Variants in CNTROB observed in about 807,000 individuals in gnomAD.
The protein encoded by CNTROB is centrobin.
A neutral mutation model predicts 115.7 loss-of-function variants in CNTROB; 82 were observed. The observed-to-expected ratio is 0.71, with a 90% confidence interval of 0.59 to 0.85. The LOEUF (loss-of-function observed/expected upper bound fraction) is 0.85. Ranked by LOEUF, CNTROB falls within the 40% of genes least tolerant of loss-of-function variation. The probability of loss-of-function intolerance (pLI) is 0.00; values close to 1 mark genes in which losing one functional copy is unlikely to be tolerated. For missense variants in CNTROB, 1,014 were observed against 1,144.4 expected, an observed-to-expected ratio of 0.89 and a Z score of 1.64; for synonymous variants, 439 against 456.4, an observed-to-expected ratio of 0.96 and a Z score of 0.49.
At chr17:7,934,425 T>C (rs1248240383) in intron 2 of CNTROB, 40 bp from the exon 3 acceptor site, 1 of 1,596,456 alleles carries the variant, frequency 6.3e-7, no homozygotes, top group East Asian at 2.2e-5. Flanking sequence ...TTTTTGTCAT[T>C]ACCTGACTCT....
intron 9 of CNTROB, among the ~76,000 whole-genome samples, chr17:7,941,856 G>A (rs1193785534): frequency 2.6e-5 from 4 of 151,112 alleles, no homozygotes; most frequent in Admixed American, 2.6e-4. Context: ...CCAGCTACTC[G>A]GGAGGCTGAG....
At position 7,939,343 on chromosome 17, in the gene CNTROB, C is replaced by CT. The variant is rs1450627469; in HGVS notation, c.928-168dup. Among the ~76,000 whole-genome samples, 1 of 152,216 alleles carries CT rather than the reference C, an allele frequency of 6.6e-6. No individual in the cohort carries two copies. The highest frequency in any genetic ancestry group is 2.4e-5 in the African/African-American group (1 of 41,448). On this transcript the variant is annotated intron_variant, in intron 7 of 18. Transcript: ENST00000563694. This position sits in a 1 kb window ranked among gnomAD's most constrained non-coding sequence, Gnocchi z 4.4. ...TCCTGACCTCAGGTAATCTGCCTGC[C>CT]TTGGCCTCCCAAAATGCTGGGATTA...
intron 9 of CNTROB, among the ~76,000 whole-genome samples, chr17:7,940,576 C>G (rs1973738482): frequency 1.3e-5 from 2 of 152,108 alleles, no homozygotes; most frequent in African/African-American, 4.8e-5. Flanking sequence ...AGACTTGATT[C>G]CAATTGTAAC....
Position 7,937,196 on chromosome 17 carries a change from G to T in CNTROB, c.861G>T (p.Glu287Asp), listed in dbSNP as rs763090825. Reference sequence around the variant, plus strand: ...CCCGCCTGGAACAAAGCCTTTCTGAGGCCATGGAGGCCCTGAATCGTGAGC... The same window carrying T: ...CCCGCCTGGAACAAAGCCTTTCTGATGCCATGGAGGCCCTGAATCGTGAGC... Reference protein sequence around the residue: ...TVTRLEQSLSEAMEALNREQE... With the variant: ...TVTRLEQSLSDAMEALNREQE... The change falls in exon 7 of 19, where the codon GAG (glutamate) becomes GAT (aspartate). Residue 287 changes from glutamate to aspartate, a missense_variant. By Grantham distance (45) the Glu-to-Asp change is conservative (BLOSUM62 2). Transcript: ENST00000563694. 6.2e-7 allele frequency: 1 copy of T among 1,614,154 alleles called. No individual in the cohort carries two copies.
At position 7,936,736 on chromosome 17, in the gene CNTROB, T is replaced by C; in HGVS notation, c.747T>C (p.His249=). The C allele has an allele frequency of 6.4e-7, 1 of 1,551,798 alleles. No individual in the cohort carries two copies. Among genetic ancestry groups the C allele is most frequent in the South Asian group, 1.1e-5 (1 of 89,870 alleles). The part of the protein sequence containing the change: ...LARVVEGWNR[H]EAERTEVLRG... The stretch of plus-strand genomic sequence containing the variant: ...GTGTGGTGGAGGGCTGGAACCGGCA[T>C]GAGGCTGAGCGGACAGAGGTTCTCA... The change falls in exon 6 of 19, where the codon CAT becomes CAC. Residue 249 remains histidine, a synonymous_variant. Transcript: ENST00000563694.
rs567700474 is a variant in CNTROB, at chr17:7,948,643, A to G, written c.2513+24A>G. ...GGGTACAAGCCTGGGAGGAAGGAGG[A>G]AGGATTCTCCGGGTGGAAGCTGGAT... On this transcript the variant is annotated intron_variant, in intron 17 of 18. Coordinates refer to ENST00000563694, the MANE Select transcript of CNTROB (RefSeq NM_053051.5). This position sits in a 1 kb window ranked among gnomAD's most constrained non-coding sequence, Gnocchi z 4.4. The G allele has an allele frequency of 3.7e-6, 6 of 1,614,084 alleles. No homozygotes were observed. The African/African-American group carries it at 6.7e-5, about 18-fold the overall frequency.
intron 13 of CNTROB, among the ~76,000 whole-genome samples, chr17:7,946,882 A>AT (rs1567936141): frequency 1.3e-5 from 2 of 151,702 alleles, no homozygotes; most frequent in African/African-American, 4.8e-5. Context: ...AAAAAAAAAA[A>AT]AGAGATTACA....
chr17:7,938,969 T>C (rs1191434430), intron 7 of CNTROB, among the ~76,000 whole-genome samples: 1 of 151,984 alleles, frequency 6.6e-6, no homozygotes, highest in Admixed American at 6.6e-5. Flanking sequence ...AGTAGAGACA[T>C]GGTTTCACCA....
At position 7,948,201 on chromosome 17, in the gene CNTROB, C is replaced by A; in HGVS notation, c.2254C>A (p.Arg752Ser). 1.2e-6 allele frequency: 2 copies of A among 1,614,204 alleles called. No individual in the cohort carries two copies. The change falls in exon 16 of 19, where the codon CGT becomes AGT. Residue 752 changes from arginine (R) to serine (S), a missense_variant. Coordinates refer to ENST00000563694, the MANE Select transcript of CNTROB (RefSeq NM_053051.5). This position sits in a 1 kb window ranked among gnomAD's most constrained non-coding sequence, Gnocchi z 4.4. ...TTGGGAGGAAGCCCCTCAAGTGCCACGTATTCCACCGCCTGTCCACAAAAC... is the reference window on the plus strand; with the variant it reads ...TTGGGAGGAAGCCCCTCAAGTGCCAAGTATTCCACCGCCTGTCCACAAAAC... ...PSWEEAPQVPRIPPPVHKTKV... is the reference protein window; with the variant it reads ...PSWEEAPQVPSIPPPVHKTKV...
intron 1 of CNTROB, 82 bp from the exon 2 acceptor site, chr17:7,934,056 C>T: frequency 8.6e-7 from 1 of 1,162,640 alleles, no homozygotes; most frequent in South Asian, 1.2e-5. Context: ...TTCCAAAGTG[C>T]TGGAGTGAAA....
Position 7,939,577 on chromosome 17 carries a change from A to G in CNTROB, c.992A>G (p.Gln331Arg), listed in dbSNP as rs754216809. 5.0e-6 allele frequency: 8 copies of G among 1,614,168 alleles called. No homozygotes were observed. Among genetic ancestry groups the G allele is most frequent in the Non-Finnish European group, 6.8e-6 (8 of 1,180,034 alleles). Residue 331 changes from glutamine (Q) to arginine (R), a missense_variant, in exon 8 of 19, where the codon CAG becomes CGG. Gln to Arg is a conservative substitution (Grantham distance 43). Coordinates refer to ENST00000563694, the MANE Select transcript of CNTROB (RefSeq NM_053051.5). The surrounding 1 kb of genome is among the most constrained non-coding windows in gnomAD (Gnocchi z 4.4). ...GAACAGCAGCGGTGCTGTGTCCTGC[A>G]GGAAGAGCGGGATGCAGCTCGGGCT... ...EAEQQRCCVLQEERDAARAGQ... is the reference protein window; with the variant it reads ...EAEQQRCCVLREERDAARAGQ...
chr17:7,933,938 TA>T (rs1311721375), intron 1 of CNTROB, among the ~76,000 whole-genome samples, 199 bp from the exon 2 acceptor site: 2 of 152,248 alleles, frequency 1.3e-5, no homozygotes, highest in East Asian at 3.8e-4. Context: ...TCTTGTCTTA[TA>T]CCTCCTCGAT....
chr17:7,934,666 G>T, intron 3 of CNTROB, 120 bp downstream of exon 3: 1 of 885,880 alleles, frequency 1.1e-6, no homozygotes, highest in Non-Finnish European at 1.8e-6. Flanking sequence ...CTTATCACTT[G>T]CCTTTCAGTT....
At chr17:7,935,745 G>A (rs4791983) in intron 4 of CNTROB, 1,864 of 162,766 alleles carry the variant, frequency 0.011, 104 homozygotes, top group Admixed American at 0.088. Context: ...GCTGCCTAAG[G>A]TCTAGAATAT....
chr17:7,942,787 A>ATTTTTTTTTTTTTT (rs71159534), intron 9 of CNTROB, among the ~76,000 whole-genome samples: 3 of 35,792 alleles, frequency 8.4e-5, no homozygotes, highest in African/African-American at 1.2e-4. Context: ...TACTCAGGGT[A>ATTTTTTTTTTTTTT]TTTTTTTTTT....
In CNTROB at chr17:7,934,141, G is replaced by A. The variant is rs1972860678; in HGVS notation, c.274G>A (p.Gly92Ser). The part of the protein sequence containing the change: ...GLEKNLKKKD[G>S]SKHIFEMESV... ...TTTCCATGTGGCTTTTTTCCAGGAT[G>A]GTTCTAAGCATATCTTTGAGATGGA... Residue 92 changes from glycine to serine, a missense_variant, in exon 2 of 19, where the codon GGT (glycine) becomes AGT (serine). Gly to Ser is a moderately conservative substitution (Grantham distance 56). Coordinates refer to ENST00000563694, the MANE Select transcript of CNTROB (RefSeq NM_053051.5). 6.2e-7 allele frequency: 1 copy of A among 1,613,788 alleles called. No homozygotes were observed. Among genetic ancestry groups the A allele is most frequent in the Admixed American group, 1.7e-5 (1 of 59,988 alleles).
rs1973652997 is a variant in CNTROB, at chr17:7,939,924, A to G, written c.1165-172A>G. On this transcript the variant is annotated intron_variant, in intron 8 of 18. Coordinates refer to ENST00000563694, the MANE Select transcript of CNTROB (RefSeq NM_053051.5). The surrounding 1 kb of genome is among the most constrained non-coding windows in gnomAD (Gnocchi z 4.4). ...GGGCCAGCAGGAAGGGCTGGGGGTA[A>G]TGAATACGTGAAAGGCCAAAGACTG... Among the ~76,000 whole-genome samples, 1 of 152,134 alleles carries G rather than the reference A, an allele frequency of 6.6e-6. No individual in the cohort carries two copies. The highest frequency in any genetic ancestry group is 1.5e-5 in the Non-Finnish European group (1 of 68,004).
Position 7,934,550 on chromosome 17 carries a change from AGTTCTCCTTGTG to A in CNTROB, c.437+13_437+24del, listed in dbSNP as rs1330843960. The A allele has an allele frequency of 1.2e-6, 2 of 1,611,158 alleles. No individual in the cohort carries two copies. Among genetic ancestry groups the A allele is most frequent in the Admixed American group, 3.3e-5 (2 of 60,014 alleles). On this transcript the variant is annotated splice_donor_5th_base_variant and intron_variant, in intron 3 of 18. Transcript: ENST00000563694. The stretch of plus-strand genomic sequence containing the variant: ...ATAGCACAGCCACCTTGCTCAAGTG[AGTTCTCCTTGTG>A]GTTCTCCTAGCTTGTTTGCTTTCTT...
In CNTROB at chr17:7,943,698, A is replaced by G. The variant is rs1974186299; in HGVS notation, c.1445+174A>G. 7.6e-6 allele frequency: 5 copies of G among 655,094 alleles called. 1 individual carries two copies. The highest frequency in any genetic ancestry group is 5.7e-5 in the East Asian group (2 of 35,306). The allele number at this position is 655,094 out of a possible 1,614,324, so 40.6% of individuals were successfully genotyped here. On this transcript the variant is annotated intron_variant, in intron 10 of 18. Transcript: ENST00000563694. The surrounding 1 kb of genome is among the most constrained non-coding windows in gnomAD (Gnocchi z 4.7). ...TCGGGAGGGCTGCCTTCACGCGTTC[A>G]TGGAGAGCCAGAAGTGCCTGGGAAT...
Sources: gnomAD v4.1 joint callset for allele counts (sites outside exome capture counted in the v4.1 genomes callset) on GRCh38, gnomAD v4.1.1 for gene constraint, Gnocchi (gnomAD v3.1) non-coding constraint, MANE v1.5 for transcripts, NCBI Gene and HGNC (gene_info 2026-07-23, HGNC 2026-07-21) for gene names.